Variants in KPNB1 observed in about 807,000 individuals in gnomAD.
KPNB1 encodes karyopherin subunit beta 1.
A neutral mutation model predicts 113.0 loss-of-function variants in KPNB1; 7 were observed. The ratio of observed to expected loss-of-function variants is 0.06; its 90% confidence interval spans 0.04 to 0.12. The LOEUF (loss-of-function observed/expected upper bound fraction) is 0.12. Among genes scored for constraint, KPNB1 ranks in the 10% least tolerant of loss-of-function variants. KPNB1 has a pLI of 1.00. For missense variants in KPNB1, 400 were observed against 1,054.8 expected, an observed-to-expected ratio of 0.38 and a Z score of 8.60; for synonymous variants, 363 against 378.6, an observed-to-expected ratio of 0.96 and a Z score of 0.48.
chr17:47,668,254 C>T lies in KPNB1; in HGVS notation c.1068C>T (p.Ala356=), dbSNP rs2030350916. 1 of 1,614,014 alleles carries T rather than the reference C, an allele frequency of 6.2e-7. No individual in the cohort carries two copies. Among genetic ancestry groups the T allele is most frequent in the Admixed American group, 1.7e-5 (1 of 59,984 alleles). The change falls in exon 10 of 22, where the codon GCC becomes GCT. Residue 356 remains alanine, a synonymous_variant. Coordinates refer to ENST00000290158, the MANE Select transcript of KPNB1 (RefSeq NM_002265.6). ...KAAGVCLMLL[A]TCCEDDIVPH... ...CAGGGGTGTGCCTCATGCTTCTGGCCACCTGCTGTGAAGATGACATTGTCC... is the reference window on the plus strand; with the variant it reads ...CAGGGGTGTGCCTCATGCTTCTGGCTACCTGCTGTGAAGATGACATTGTCC...
In KPNB1 at chr17:47,676,544, G is replaced by C. The variant is rs1356046899; in HGVS notation, c.1995+53G>C. On this transcript the variant is annotated intron_variant, in intron 16 of 21. Coordinates refer to ENST00000290158, the MANE Select transcript of KPNB1 (RefSeq NM_002265.6). ...TTCCCATTTATATCTGACAGTCACT[G>C]TAGTGCACGCAAAACCAGGTTCTTA... 4 of 1,352,756 alleles carry C rather than the reference G, an allele frequency of 3.0e-6. No individual in the cohort carries two copies. The Admixed American group carries it at 6.8e-5, about 23-fold the overall frequency. 83.8% of individuals were successfully genotyped at this position (1,352,756 alleles called of 1,614,324 possible). A position where few individuals can be genotyped will look rare whatever the true frequency, so the allele number is the denominator to read the frequency against.
rs1362699926 is a variant in KPNB1, at chr17:47,680,057, T to G, written c.2391T>G (p.Ile797Met). ...VMLVQPRVEF[I>M]LSFIDHIAGD... is the part of the protein sequence containing the mutation. ...TGGTACAACCCAGAGTAGAATTTAT[T>G]CTGTCTTTCATTGACCACATTGCTG... Residue 797 changes from isoleucine (I) to methionine (M), a missense_variant, in exon 20 of 22, where the codon ATT becomes ATG. Ile to Met is a conservative substitution (Grantham distance 10, BLOSUM62 1). Around this residue, in one of 2 missense-constraint regions of KPNB1, gnomAD observed 115 missense variants for 427.9 expected, o/e 0.27. Transcript: ENST00000290158. 6.2e-7 allele frequency: 1 copy of G among 1,613,916 alleles called. No homozygotes were observed. The highest frequency in any genetic ancestry group is 1.7e-5 in the Admixed American group (1 of 60,018).
At chr17:47,664,113 C>T in intron 7 of KPNB1, 46 bp from the exon 8 acceptor site, 1 of 1,280,654 alleles carries the variant, frequency 7.8e-7, no homozygotes, top group Non-Finnish European at 1.1e-6. Context: ...CAGGGACTCA[C>T]TTGAATCAGT....
chr17:47,655,085 A>G (rs1915682109), intron 3 of KPNB1, among the ~76,000 whole-genome samples: 1 of 152,210 alleles, frequency 6.6e-6, no homozygotes, highest in Non-Finnish European at 1.5e-5. Flanking sequence ...GCAGGATACT[A>G]AGTGATCCGA....
At chr17:47,657,763 A>G (rs1325016865) in intron 4 of KPNB1, among the ~76,000 whole-genome samples, 7 of 152,246 alleles carry the variant, frequency 4.6e-5, no homozygotes, top group African/African-American at 1.7e-4. Context: ...TAAGAAGTCA[A>G]AGATGAAGTT....
chr17:47,655,942 A>G (rs181312692), intron 3 of KPNB1, among the ~76,000 whole-genome samples: 4 of 152,096 alleles, frequency 2.6e-5, no homozygotes, highest in African/African-American at 7.2e-5. Context: ...AGCCTTTCCT[A>G]CTTCTCCGTA....
At position 47,683,090 on chromosome 17, in the gene KPNB1, T is replaced by TAAAAAAAAAAA. The variant is rs1157291179; in HGVS notation, c.*705_*715dup. On this transcript the variant is annotated 3_prime_UTR_variant, in exon 22 of 22. Transcript: ENST00000290158. The stretch of plus-strand genomic sequence containing the variant: ...GTTTACTGATGCAGCACAAGAGATG[T>TAAAAAAAAAAA]AAAAAAAAAAAAAAAAAAAAAAAAA... The TAAAAAAAAAAA allele has an allele frequency of 1.6e-3, 27 of 17,254 alleles. 6 individuals carry two copies. The highest frequency in any genetic ancestry group is 2.0e-3 in the Non-Finnish European group (20 of 10,228). The allele number at this position is 17,254 out of a possible 1,614,324, so 1.1% of individuals were successfully genotyped here.
intron 2 of KPNB1, among the ~76,000 whole-genome samples, chr17:47,650,918 C>T (rs1915545053): frequency 6.6e-6 from 1 of 152,224 alleles, no homozygotes; most frequent in Non-Finnish European, 1.5e-5. Flanking sequence ...GAGCTCTGCC[C>T]TTTCCTAGCT....
At chr17:47,677,386 C>T (rs1382126475) in intron 17 of KPNB1, among the ~76,000 whole-genome samples, 1 of 150,086 alleles carries the variant, frequency 6.7e-6, no homozygotes, top group South Asian at 2.1e-4. Context: ...GCAGGATAAT[C>T]GCTTGTACCC....
Position 47,656,842 on chromosome 17 carries a change from T to A in KPNB1, c.283-18T>A. Reference sequence around the variant, plus strand: ...TAGTGTTAGAAATTTGTATCTTTTGTCTTTTTTTTTGGTGCAGGTTTTGCA... The same window carrying A: ...TAGTGTTAGAAATTTGTATCTTTTGACTTTTTTTTTGGTGCAGGTTTTGCA... On this transcript the variant is annotated intron_variant, in intron 3 of 21. Transcript: ENST00000290158. The A allele has an allele frequency of 6.4e-7, 1 of 1,568,542 alleles. No individual in the cohort carries two copies. The highest frequency in any genetic ancestry group is 8.6e-7 in the Non-Finnish European group (1 of 1,157,852).
chr17:47,675,185 C>G (rs1422778433), intron 15 of KPNB1, among the ~76,000 whole-genome samples: 2 of 151,726 alleles, frequency 1.3e-5, no homozygotes, highest in African/African-American at 2.4e-5. Flanking sequence ...ACTCCTGGGC[C>G]TCCTTGTCAG....
Position 47,650,030 on chromosome 17 carries a change from C to A in KPNB1, c.-215C>A. 7.4e-7 allele frequency: 1 copy of A among 1,359,618 alleles called. No individual in the cohort carries two copies. The allele number at this position is 1,359,618 out of a possible 1,614,324, so 84.2% of individuals were successfully genotyped here. On this transcript the variant is annotated 5_prime_UTR_variant, in exon 1 of 22. Coordinates refer to ENST00000290158, the MANE Select transcript of KPNB1 (RefSeq NM_002265.6). Reference sequence around the variant, plus strand: ...CCCAGGGTCCCTCCCCCGCCGCCAGCAGCCCATTTGGAGGGAGGAAGTAAG... The same window carrying A: ...CCCAGGGTCCCTCCCCCGCCGCCAGAAGCCCATTTGGAGGGAGGAAGTAAG...
Position 47,682,658 on chromosome 17 carries a change from A to G in KPNB1, c.*254A>G. The G allele has an allele frequency of 3.7e-6, 2 of 543,330 alleles. No individual in the cohort carries two copies. Among genetic ancestry groups the G allele is most frequent in the East Asian group, 3.0e-5 (1 of 33,296 alleles). The allele number at this position is 543,330 out of a possible 1,614,324, so 33.7% of individuals were successfully genotyped here. On this transcript the variant is annotated 3_prime_UTR_variant, in exon 22 of 22. Transcript: ENST00000290158. Reference sequence around the variant, plus strand: ...TAACATCGGCCATCTTGGAAAAGAGAAAAACAATGGAGTTACTTATTTAAA... The same window carrying G: ...TAACATCGGCCATCTTGGAAAAGAGGAAAACAATGGAGTTACTTATTTAAA...
chr17:47,680,216 A>G (rs1235616341), intron 20 of KPNB1, 82 bp downstream of exon 20: 3 of 1,008,026 alleles, frequency 3.0e-6, no homozygotes, highest in African/African-American at 3.2e-5. Flanking sequence ...TTTTGAGAGT[A>G]TCGCGGATGG....
At chr17:47,666,721 C>T (rs781615523) in intron 9 of KPNB1, among the ~76,000 whole-genome samples, 21 of 150,714 alleles carry the variant, frequency 1.4e-4, no homozygotes, top group Non-Finnish European at 2.2e-4. Flanking sequence ...TGGGTTCAAG[C>T]GATTCTCCTG....
intron 13 of KPNB1, 30 bp from the exon 14 acceptor site, chr17:47,673,460 G>A: frequency 3.8e-6 from 6 of 1,568,626 alleles, no homozygotes; most frequent in Non-Finnish European, 5.3e-6. Flanking sequence ...AGGTTTTCAT[G>A]TAGAGTATGT....
At chr17:47,663,948 G>A (rs1011448678) in intron 7 of KPNB1, among the ~76,000 whole-genome samples, 7 of 149,906 alleles carry the variant, frequency 4.7e-5, no homozygotes, top group Non-Finnish European at 7.4e-5. Context: ...TTGTGCTGCT[G>A]TACTCCAGCC....
chr17:47,675,418 C>T (rs2030589523), intron 15 of KPNB1, among the ~76,000 whole-genome samples: 1 of 112,666 alleles, frequency 8.9e-6, no homozygotes, highest in South Asian at 2.8e-4. Flanking sequence ...TTCTGTTGCC[C>T]AGGATGGAGT....
chr17:47,679,887 CG>C (rs2030721596), intron 19 of KPNB1, 132 bp from the exon 20 acceptor site: 1 of 613,036 alleles, frequency 1.6e-6, no homozygotes, highest in Admixed American at 2.6e-5. Context: ...TTAGTAGAGA[CG>C]GGGTTTCACC....
Sources: allele counts gnomAD v4.1 joint callset (sites outside exome capture counted in the v4.1 genomes callset), GRCh38; gene constraint gnomAD v4.1.1; regional missense constraint gnomAD v4.1.1; transcripts MANE v1.5; gene names NCBI Gene and HGNC (gene_info 2026-07-23, HGNC 2026-07-21).